Variants in NLN observed in about 807,000 individuals in gnomAD.
NLN encodes the protein neurolysin, mitochondrial.
In NLN, 64 loss-of-function variants were observed where a neutral mutation model predicts 79.9. The ratio of observed to expected loss-of-function variants is 0.80; its 90% confidence interval spans 0.65 to 0.99. NLN has a LOEUF of 0.99. NLN is among the 50% of genes least tolerant of loss of function. The pLI is 0.00. For synonymous variants in NLN, 267 were observed against 296.6 expected, an observed-to-expected ratio of 0.90 and a Z score of 1.02; for missense variants, 835 against 858.7, an observed-to-expected ratio of 0.97 and a Z score of 0.34.
chr5:65,771,032 G>A (rs940420790), intron 3 of NLN, among the ~76,000 whole-genome samples: 9 of 151,992 alleles, frequency 5.9e-5, no homozygotes, highest in African/African-American at 1.9e-4. Flanking sequence ...TAAATGCAAC[G>A]GTATTATTAA....
At chr5:65,725,909 G>A (rs1476439194) in intron 1 of NLN, among the ~76,000 whole-genome samples, 1 of 152,108 alleles carries the variant, frequency 6.6e-6, no homozygotes, top group Non-Finnish European at 1.5e-5. Context: ...TCAGGAGATC[G>A]AGACCATCCT....
chr5:65,819,234 A>G (rs1026817507), intron 12 of NLN, among the ~76,000 whole-genome samples: 1 of 152,194 alleles, frequency 6.6e-6, no homozygotes, highest in Admixed American at 6.5e-5. Flanking sequence ...GAGCTGGGGC[A>G]GTGTGAAAGG....
At chr5:65,757,276 T>C (rs1225581034) in intron 1 of NLN, among the ~76,000 whole-genome samples, 1 of 152,158 alleles carries the variant, frequency 6.6e-6, no homozygotes, top group Non-Finnish European at 1.5e-5. Flanking sequence ...TATAAGGTTG[T>C]TTTGGGATCC....
rs752415667 is a variant in NLN at position 65,822,815 on chromosome 5, C to T, written c.2015C>T (p.Pro672Leu). The change falls in exon 13 of 13, where the codon CCT becomes CTT. Residue 672 changes from proline (P) to leucine (L), a missense_variant. Coordinates refer to ENST00000380985, the MANE Select transcript of NLN (RefSeq NM_020726.5). ...GMKYRNLILKPGGSLDGMDML... is the reference protein window; with the variant it reads ...GMKYRNLILKLGGSLDGMDML... ...AAATACAGAAACCTAATCCTGAAAC[C>T]TGGGGGATCTCTGGACGGCATGGAC... 1 of 1,611,766 alleles carries T rather than the reference C, an allele frequency of 6.2e-7. No individual in the cohort carries two copies. Among genetic ancestry groups the T allele is most frequent in the South Asian group, 1.1e-5 (1 of 91,054 alleles).
At chr5:65,778,105 A>T (rs543105257) in intron 4 of NLN, among the ~76,000 whole-genome samples, 1 of 152,284 alleles carries the variant, frequency 6.6e-6, no homozygotes, top group South Asian at 2.1e-4. Context: ...GGCACTGATT[A>T]TAAAATCCTT....
rs190181346 is a variant in NLN, at chr5:65,809,478, G to A, written c.1528-37G>A. 8 of 1,533,940 alleles carry A rather than the reference G, an allele frequency of 5.2e-6. No homozygotes were observed. In the African/African-American group the frequency reaches 9.7e-5, roughly 19 times the overall value. On this transcript the variant is annotated intron_variant, in intron 9 of 12. Transcript: ENST00000380985. ...TATTCATTGCATATGTACTTTCATT[G>A]AGTTCTTTAAAAAAATTCTCTGTGT...
chr5:65,757,599 T>C (rs950156544), intron 1 of NLN, among the ~76,000 whole-genome samples: 1 of 152,118 alleles, frequency 6.6e-6, no homozygotes. Flanking sequence ...TATGTACTTA[T>C]ATATATGTAT....
chr5:65,758,722 T>C lies in NLN; in HGVS notation c.197T>C (p.Val66Ala). Residue 66 changes from valine to alanine, a missense_variant, in exon 2 of 13, where the codon GTG becomes GCG. Transcript: ENST00000380985. ...QIKTRTEELIVQTKQVYDAVG... is the reference protein window; with the variant it reads ...QIKTRTEELIAQTKQVYDAVG... ...AAAACAAGAACTGAGGAGCTCATTG[T>C]GCAGACCAAACAGGTGTACGATGCT... 1 of 1,613,882 alleles carries C rather than the reference T, an allele frequency of 6.2e-7. No homozygotes were observed. Among genetic ancestry groups the C allele is most frequent in the Non-Finnish European group, 8.5e-7 (1 of 1,179,830 alleles).
chr5:65,760,080 T>C (rs2150746841), intron 2 of NLN, among the ~76,000 whole-genome samples: 1 of 152,282 alleles, frequency 6.6e-6, no homozygotes, highest in Non-Finnish European at 1.5e-5. Context: ...GTGGGCATTT[T>C]GGAATTTGAA....
At chr5:65,763,499 CG>C (rs1759384193) in intron 3 of NLN, among the ~76,000 whole-genome samples, 1 of 151,786 alleles carries the variant, frequency 6.6e-6, no homozygotes, top group Non-Finnish European at 1.5e-5. Context: ...TGCTGTATGC[CG>C]GAGTCATTCC....
chr5:65,722,474 G>T (rs1405493186), intron 1 of NLN, 60 bp downstream of exon 1: 1 of 1,459,092 alleles, frequency 6.9e-7, no homozygotes, highest in Non-Finnish European at 9.3e-7. Context: ...TCGCCGTGTG[G>T]TGCCTGGAGC....
intron 5 of NLN, among the ~76,000 whole-genome samples, chr5:65,780,674 T>C (rs1759781678): frequency 6.6e-6 from 1 of 152,158 alleles, no homozygotes; most frequent in Non-Finnish European, 1.5e-5. Flanking sequence ...TTTTTTCTTT[T>C]CTTTTCTTTT....
intron 1 of NLN, among the ~76,000 whole-genome samples, chr5:65,742,583 G>A (rs555360934): frequency 2.6e-5 from 4 of 152,096 alleles, no homozygotes; most frequent in South Asian, 4.1e-4. Context: ...TACATTTTTC[G>A]TGAATGGTTG....
intron 2 of NLN, among the ~76,000 whole-genome samples, chr5:65,762,384 T>C (rs1458583427): frequency 6.6e-6 from 1 of 152,106 alleles, no homozygotes; most frequent in Non-Finnish European, 1.5e-5. Context: ...GCATTGCCAG[T>C]TGATAAATTA....
intron 5 of NLN, among the ~76,000 whole-genome samples, chr5:65,780,564 G>C (rs954634814): frequency 1.3e-5 from 2 of 151,616 alleles, no homozygotes; most frequent in African/African-American, 2.4e-5. Flanking sequence ...GTAGTTTATA[G>C]TTGTGTTTAA....
chr5:65,762,865 A>T (rs531709568), intron 2 of NLN, 95 bp from the exon 3 acceptor site: 5 of 1,209,972 alleles, frequency 4.1e-6, no homozygotes, highest in Non-Finnish European at 2.3e-6. Flanking sequence ...ACAAACTTTT[A>T]TTGGCATGAT....
intron 1 of NLN, among the ~76,000 whole-genome samples, chr5:65,755,180 T>C (rs910828923): frequency 2.0e-5 from 3 of 152,204 alleles, no homozygotes; most frequent in African/African-American, 4.8e-5. Context: ...TCTCTAAATA[T>C]CTTAATAATG....
chr5:65,818,266 G>C (rs534807962), intron 12 of NLN, among the ~76,000 whole-genome samples: 4 of 152,216 alleles, frequency 2.6e-5, no homozygotes, highest in East Asian at 1.9e-4. Flanking sequence ...CGTGTAAAAG[G>C]AACTATTTTA....
At chr5:65,778,533 C>G (rs1759728140) in intron 4 of NLN, among the ~76,000 whole-genome samples, 1 of 152,158 alleles carries the variant, frequency 6.6e-6, no homozygotes, top group East Asian at 1.9e-4. Flanking sequence ...GACCCTTTGT[C>G]TTCCTGGTCA....
Sources: allele counts gnomAD v4.1 joint callset (sites outside exome capture counted in the v4.1 genomes callset), GRCh38; gene constraint gnomAD v4.1.1; transcripts MANE v1.5; gene names NCBI Gene and HGNC (gene_info 2026-07-23, HGNC 2026-07-21).